The following NIBAN2 variants were observed in gnomAD, a reference collection of about 807,000 sequenced individuals.
NIBAN2 encodes the protein protein Niban 2.
In NIBAN2, 36 loss-of-function variants were observed where a neutral mutation model predicts 81.8. The ratio of observed to expected loss-of-function variants is 0.44; its 90% CI spans 0.34 to 0.58. The LOEUF is 0.58. Ranked by LOEUF, NIBAN2 falls within the 20% of genes least tolerant of loss-of-function variation. The pLI, the probability that NIBAN2 is intolerant of heterozygous loss-of-function variation, is 0.02. For synonymous variants in NIBAN2, 445 were observed against 441.6 expected (o/e 1.01, Z -0.10); for missense variants, 897 against 1,014.1 (o/e 0.88, Z 1.57).
intron 9 of NIBAN2, 140 bp downstream of exon 9, chr9:127,510,006 C>G: frequency 1.4e-6 from 1 of 739,360 alleles, no homozygotes; most frequent in Admixed American, 2.9e-5. Context: ...GCCTCTGCCC[C>G]TAGTCCCCAG....
At chr9:127,576,847 A>G (rs1327496198) in intron 1 of NIBAN2, among the ~76,000 whole-genome samples, 2 of 150,918 alleles carry the variant, frequency 1.3e-5, no homozygotes, top group African/African-American at 4.9e-5. Context: ...CAAGTGCCAC[A>G]ACGTCCGGCT....
intron 3 of NIBAN2, 123 bp downstream of exon 3, chr9:127,527,071 G>A (rs1488116768): frequency 2.4e-6 from 3 of 1,226,656 alleles, no homozygotes; most frequent in South Asian, 1.3e-5. Context: ...GTGGTGCTCT[G>A]GCCCTGGTGA....
Position 127,514,942 on chromosome 9 carries a change from T to C in NIBAN2, c.973+1915A>G, listed in dbSNP as rs367950343. 3.9e-5 allele frequency among the ~76,000 whole-genome samples: 6 copies of C among 152,240 alleles called. 1 individual carries two copies. Among genetic ancestry groups the C allele is most frequent in the African/African-American group, 9.6e-5 (4 of 41,534 alleles). ...GCTTTGGGAGGCTGAGGCAGGAGGA[T>C]TGTCTGAGGCCAGGAGTTCGAGACC... On this transcript the variant is annotated intron_variant, in intron 8 of 13. Transcript: ENST00000373312.
At chr9:127,543,360 G>A (rs1837416212) in intron 1 of NIBAN2, among the ~76,000 whole-genome samples, 1 of 152,178 alleles carries the variant, frequency 6.6e-6, no homozygotes, top group African/African-American at 2.4e-5. Flanking sequence ...GACAGAGGCT[G>A]GAAGGTCCAG....
intron 1 of NIBAN2, among the ~76,000 whole-genome samples, chr9:127,539,953 T>A (rs761288881): frequency 6.6e-6 from 1 of 152,194 alleles, no homozygotes; most frequent in Non-Finnish European, 1.5e-5. Flanking sequence ...CACAACAGTA[T>A]CTGCCTGAAT....
chr9:127,523,782 G>A lies in NIBAN2; in HGVS notation c.486C>T (p.Leu162=). The change falls in exon 5 of 14, where the codon CTC becomes CTT. Residue 162 remains leucine, a synonymous_variant. Coordinates refer to ENST00000373312, the MANE Select transcript of NIBAN2 (RefSeq NM_022833.4). ...LKCPTQFPLI[L]WHPYARHYYF... ...AGTAGTGACGCGCATAAGGATGCCAGAGGATGAGCGGGAACTGTGTGGGGC... is the reference window on the plus strand; with the variant it reads ...AGTAGTGACGCGCATAAGGATGCCAAAGGATGAGCGGGAACTGTGTGGGGC... The A allele has an allele frequency of 6.2e-7, 1 of 1,614,138 alleles. No homozygotes were observed. Among genetic ancestry groups the A allele is most frequent in the African/African-American group, 1.3e-5 (1 of 75,074 alleles).
intron 1 of NIBAN2, among the ~76,000 whole-genome samples, chr9:127,551,671 C>T (rs1837579324): frequency 1.3e-5 from 2 of 151,238 alleles, no homozygotes; most frequent in South Asian, 2.1e-4. Context: ...GCTGAGATCA[C>T]GTCACTGCAC....
At chr9:127,515,241 C>T (rs1292963079) in intron 8 of NIBAN2, among the ~76,000 whole-genome samples, 1 of 152,016 alleles carries the variant, frequency 6.6e-6, no homozygotes. Context: ...GGCCGGGCGG[C>T]CAGGCGCGGT....
At chr9:127,574,582 C>G (rs551970853) in intron 1 of NIBAN2, among the ~76,000 whole-genome samples, 122 of 152,206 alleles carry the variant, frequency 8.0e-4, no homozygotes, top group African/African-American at 2.7e-3. Flanking sequence ...CTTTCTCTCC[C>G]CATGAGTCCC....
upstream of NIBAN2, among the ~76,000 whole-genome samples, chr9:127,572,865 T>A (rs1199067055): frequency 6.6e-6 from 1 of 151,996 alleles, no homozygotes; most frequent in African/African-American, 2.4e-5. Flanking sequence ...GGCAACAGAA[T>A]GAGACCCCGT....
chr9:127,566,187 G>A (rs1837856268), intron 1 of NIBAN2, among the ~76,000 whole-genome samples: 1 of 152,098 alleles, frequency 6.6e-6, no homozygotes, highest in South Asian at 2.1e-4. Flanking sequence ...ACCTTGAGCT[G>A]GCTTCAGTCT....
chr9:127,546,550 G>T (rs181355207), intron 1 of NIBAN2, among the ~76,000 whole-genome samples: 1 of 152,102 alleles, frequency 6.6e-6, no homozygotes, highest in Non-Finnish European at 1.5e-5. Flanking sequence ...CAAGATGTCC[G>T]CAGTGTCAAC....
intron 2 of NIBAN2, among the ~76,000 whole-genome samples, chr9:127,529,868 A>G (rs563326455): frequency 6.6e-6 from 1 of 152,298 alleles, no homozygotes; most frequent in African/African-American, 2.4e-5. Flanking sequence ...GAGACCAAAA[A>G]TACTGCTTTT....
intron 1 of NIBAN2, among the ~76,000 whole-genome samples, chr9:127,539,024 C>A (rs903744964): frequency 2.0e-5 from 3 of 151,070 alleles, no homozygotes; most frequent in Non-Finnish European, 4.4e-5. Flanking sequence ...ATAATTTATA[C>A]AAAGACTGTG....
chr9:127,548,138 G>C (rs900282052), intron 1 of NIBAN2, among the ~76,000 whole-genome samples: 2 of 152,192 alleles, frequency 1.3e-5, no homozygotes, highest in African/African-American at 2.4e-5. Flanking sequence ...GCACCTCCCT[G>C]GTCCCTCAGC....
At chr9:127,526,740 G>A (rs1039447252) in intron 3 of NIBAN2, among the ~76,000 whole-genome samples, 5 of 152,120 alleles carry the variant, frequency 3.3e-5, no homozygotes, top group East Asian at 1.9e-4. Context: ...TGTCCTTCTC[G>A]GACACCTACC....
At chr9:127,549,642 G>A (rs769931679) in intron 1 of NIBAN2, among the ~76,000 whole-genome samples, 1 of 152,222 alleles carries the variant, frequency 6.6e-6, no homozygotes, top group Non-Finnish European at 1.5e-5. Flanking sequence ...AGGGAAAGAA[G>A]GGGAAGAAGA....
At chr9:127,531,223 C>T (rs896107948) in intron 2 of NIBAN2, among the ~76,000 whole-genome samples, 1 of 151,504 alleles carries the variant, frequency 6.6e-6, no homozygotes, top group Non-Finnish European at 1.5e-5. Context: ...TCACACCTGC[C>T]TGTAATCCCA....
chr9:127,553,846 G>A (rs1837619916), intron 1 of NIBAN2, among the ~76,000 whole-genome samples: 1 of 152,170 alleles, frequency 6.6e-6, no homozygotes, highest in South Asian at 2.1e-4. Flanking sequence ...CTCCAGAGTA[G>A]CTGGGACTAT....
Sources: gnomAD v4.1 joint callset for allele counts (sites outside exome capture counted in the v4.1 genomes callset) on GRCh38, gnomAD v4.1.1 for gene constraint, MANE v1.5 for transcripts, NCBI Gene and HGNC (gene_info 2026-07-23, HGNC 2026-07-21) for gene names.